POM121C: variants seen among roughly 807,000 people sequenced by gnomAD.
The protein encoded by POM121C is nuclear envelope pore membrane protein POM 121C.
A neutral mutation model predicts 66.4 loss-of-function variants in POM121C; 20 were observed. That is an observed-to-expected ratio of 0.30 (90% CI 0.21 to 0.44). The LOEUF (loss-of-function observed/expected upper bound fraction) is 0.44. Among genes scored for constraint, POM121C ranks in the 20% least tolerant of loss-of-function variants. The pLI is 1.00. For missense variants in POM121C, 580 were observed against 1,225.7 expected, an observed-to-expected ratio of 0.47 and a Z score of 7.87; for synonymous variants, 286 against 528.0, an observed-to-expected ratio of 0.54 and a Z score of 6.28.
At chr7:75,479,674 T>C (rs1792237835) in intron 1 of POM121C, among the ~76,000 whole-genome samples, 1 of 150,528 alleles carries the variant, frequency 6.6e-6, no homozygotes, top group Non-Finnish European at 1.5e-5. Flanking sequence ...AACAACAACG[T>C]AATAGATAGT....
At chr7:75,479,306 T>C (rs1282768207) in intron 1 of POM121C, among the ~76,000 whole-genome samples, 9 of 152,120 alleles carry the variant, frequency 5.9e-5, no homozygotes, top group Non-Finnish European at 1.3e-4. Context: ...TTTTCTCTCA[T>C]TACTTAAATC....
chr7:75,441,723 C>G, intron 3 of POM121C, 76 bp from the exon 4 acceptor site: 1 of 1,271,050 alleles, frequency 7.9e-7, no homozygotes, highest in South Asian at 1.4e-5. Context: ...AAAAACCCAC[C>G]AGTTAAGACA....
rs1373116060 is a variant in POM121C, at chr7:75,418,513, C to G, written c.*283G>C. On this transcript the variant is annotated 3_prime_UTR_variant, in exon 15 of 15. Transcript: ENST00000615331. ...GTGCGCTAAGCGGGAGTCAGGGCAGCGGACACTATGTACAGGTCCTTAGTT... is the reference window on the plus strand; with the variant it reads ...GTGCGCTAAGCGGGAGTCAGGGCAGGGGACACTATGTACAGGTCCTTAGTT... 1 of 1,183,432 alleles carries G rather than the reference C, an allele frequency of 8.4e-7. No homozygotes were observed. The highest frequency in any genetic ancestry group is 2.9e-5 in the South Asian group (1 of 35,006). The allele number at this position is 1,183,432 out of a possible 1,614,324, so 73.3% of individuals were successfully genotyped here.
intron 3 of POM121C, among the ~76,000 whole-genome samples, chr7:75,449,892 G>A (rs1260504304): frequency 6.6e-6 from 1 of 152,126 alleles, no homozygotes; most frequent in African/African-American, 2.4e-5. Context: ...GCAGGTGCCT[G>A]TAATCCCAGC....
intron 7 of POM121C, among the ~76,000 whole-genome samples, chr7:75,429,830 C>T (rs6979377): frequency 0.75 from 113,727 of 151,980 alleles, 43,233 homozygotes; most frequent in East Asian, 0.96. Context: ...CTAGGCAACA[C>T]AGTGAGACCT....
At chr7:75,471,376 T>C (rs1381288195) in intron 3 of POM121C, among the ~76,000 whole-genome samples, 3 of 151,904 alleles carry the variant, frequency 2.0e-5, no homozygotes, top group East Asian at 1.9e-4. Context: ...GCCTGGCTAA[T>C]TTTTCTATAT....
chr7:75,440,695 T>C (rs1309358563), intron 5 of POM121C: 1 of 554,524 alleles, frequency 1.8e-6, no homozygotes, highest in African/African-American at 1.9e-5. Flanking sequence ...TACAGAAGCA[T>C]GAGGCTAACA....
intron 7 of POM121C, among the ~76,000 whole-genome samples, chr7:75,428,083 C>G (rs1228023392): frequency 1.3e-5 from 2 of 151,972 alleles, no homozygotes; most frequent in African/African-American, 4.8e-5. Flanking sequence ...TTTTCAATCA[C>G]TTCAGATCCC....
chr7:75,437,644 A>T lies in POM121C; in HGVS notation c.351T>A (p.Asp117Glu), dbSNP rs1563143411. Residue 117 changes from aspartate to glutamate, a missense_variant, in exon 7 of 15, where the codon GAT (aspartate) becomes GAA (glutamate). By Grantham distance (45) the Asp-to-Glu change is conservative. Transcript: ENST00000615331. ...TTCGGGATCTCTTATTCAAGTGGTC[A>T]TCTGAGCTCTGAGAATTGAGGCCTC... ...LKRGLNSQSS[D>E]DHLNKRSRSS... 1 of 1,613,596 alleles carries T rather than the reference A, an allele frequency of 6.2e-7. No homozygotes were observed. Among genetic ancestry groups the T allele is most frequent in the East Asian group, 2.2e-5 (1 of 44,876 alleles).
rs782741678 is a variant in POM121C at position 75,421,559 on chromosome 7, G to A, written c.2693C>T (p.Pro898Leu). 1.7e-5 allele frequency: 28 copies of A among 1,612,364 alleles called. No homozygotes were observed. The highest frequency in any genetic ancestry group is 1.1e-4 in the East Asian group (5 of 44,872). Reference sequence around the variant, plus strand: ...TGTGCTGCCCACGTTGAAGGCAAACGGTGTGCTCTGGCCGGTGGTGCCCAG... The same window carrying A: ...TGTGCTGCCCACGTTGAAGGCAAACAGTGTGCTCTGGCCGGTGGTGCCCAG... ...NALGTTGQST[P>L]FAFNVGSTTE... is the part of the protein sequence containing the mutation. The change falls in exon 13 of 15, where the codon CCG becomes CTG. Residue 898 changes from proline (P) to leucine (L), a missense_variant. Pro to Leu is a moderately conservative substitution (Grantham distance 98). Transcript: ENST00000615331.
chr7:75,435,969 T>A (rs1554472983), intron 7 of POM121C, among the ~76,000 whole-genome samples: 3 of 151,824 alleles, frequency 2.0e-5, no homozygotes, highest in Middle Eastern at 3.4e-3. Context: ...GAGAATCGCT[T>A]GAATTCAGGA....
chr7:75,416,945 C>G lies in POM121C; in HGVS notation c.*1851G>C. 7.1e-6 allele frequency: 10 copies of G among 1,401,024 alleles called. No homozygotes were observed. Among genetic ancestry groups the G allele is most frequent in the Non-Finnish European group, 9.3e-6 (10 of 1,079,882 alleles). 86.8% of individuals were successfully genotyped at this position (1,401,024 alleles called of 1,614,324 possible). A position where few individuals can be genotyped will look rare whatever the true frequency, so the allele number is the denominator to read the frequency against. ...GTCCAGTGTGTGTACTGTACACATC[C>G]ACACTCACTCTCACTCAGGGTTCCC... On this transcript the variant is annotated 3_prime_UTR_variant, in exon 15 of 15. Coordinates refer to ENST00000615331, the MANE Select transcript of POM121C (RefSeq NM_001099415.3).
At chr7:75,473,711 C>A (rs141344472) in intron 3 of POM121C, among the ~76,000 whole-genome samples, 1 of 150,214 alleles carries the variant, frequency 6.7e-6, no homozygotes, top group African/African-American at 2.4e-5. Flanking sequence ...TTTTTTGAGA[C>A]GGAGTCTCGC....
rs1432395042 is a variant in POM121C at position 75,444,594 on chromosome 7, G to A, written c.-151-2947C>T. On this transcript the variant is annotated intron_variant, in intron 3 of 14. Coordinates refer to ENST00000615331, the MANE Select transcript of POM121C (RefSeq NM_001099415.3). ...AGAGGTCCATAGCCTGAGCCCTCGG[G>A]GCACTCCTGTGTTTAGAGGTAAAGA... Among the ~76,000 whole-genome samples, 8 of 121,394 alleles carry A rather than the reference G, an allele frequency of 6.6e-5. No individual in the cohort carries two copies. The South Asian group carries it at 1.6e-3, about 25-fold the overall frequency. The allele number at this position is 121,394 out of a possible 152,430, so 79.6% of individuals were successfully genotyped here.
At chr7:75,482,456 C>T (rs587769274) in intron 1 of POM121C, among the ~76,000 whole-genome samples, 2 of 152,184 alleles carry the variant, frequency 1.3e-5, no homozygotes, top group African/African-American at 4.8e-5. Context: ...CACTTTGGGA[C>T]ACCGAGGCGG....
rs190398301 is a variant in POM121C, at chr7:75,479,377, C to A, written c.-457-4189G>T. On this transcript the variant is annotated intron_variant, in intron 1 of 14. Transcript: ENST00000615331. ...ACACCTGTAATCCCAGCACTTTGGG[C>A]GGCTGAGGCAGATGGGTGACCTGAG... Among the ~76,000 whole-genome samples, 858 of 152,132 alleles carry A rather than the reference C, an allele frequency of 5.6e-3. 5 individuals carry two copies. The highest frequency in any genetic ancestry group is 0.018 in the African/African-American group (735 of 41,476).
chr7:75,423,584 G>A lies in POM121C; in HGVS notation c.1049-381C>T, dbSNP rs1284356118. ...GAAGTCTCTGCCCTTGAGCAGGGAG[G>A]GTGCGTACGAACCCCAGGTTACCGT... On this transcript the variant is annotated intron_variant, in intron 12 of 14. Transcript: ENST00000615331. 4.0e-5 allele frequency among the ~76,000 whole-genome samples: 6 copies of A among 151,192 alleles called. No homozygotes were observed. The East Asian group carries it at 1.2e-3, about 30-fold the overall frequency.
In POM121C at chr7:75,417,692, G is replaced by T. The variant is rs1313728008; in HGVS notation, c.*1104C>A. ...AGGTCAGTTAAGTGGGACAGAAACC[G>T]CAGAGGGAAGAGGTCTTTGCTTCCC... On this transcript the variant is annotated 3_prime_UTR_variant, in exon 15 of 15. Coordinates refer to ENST00000615331, the MANE Select transcript of POM121C (RefSeq NM_001099415.3). 2.0e-6 allele frequency: 2 copies of T among 985,640 alleles called. No individual in the cohort carries two copies. Among genetic ancestry groups the T allele is most frequent in the Non-Finnish European group, 2.4e-6 (2 of 829,906 alleles). 61.1% of individuals were successfully genotyped at this position (985,640 alleles called of 1,614,324 possible). A position where few individuals can be genotyped will look rare whatever the true frequency, so the allele number is the denominator to read the frequency against.
intron 3 of POM121C, among the ~76,000 whole-genome samples, chr7:75,462,760 T>A (rs1304625781): frequency 4.6e-5 from 7 of 151,740 alleles, no homozygotes; most frequent in African/African-American, 1.7e-4. Context: ...ATCAAATGCA[T>A]ACCCTGCTGA....
Sources: gnomAD v4.1 joint callset for allele counts (sites outside exome capture counted in the v4.1 genomes callset) on GRCh38, gnomAD v4.1.1 for gene constraint, MANE v1.5 for transcripts, NCBI Gene and HGNC (gene_info 2026-07-23, HGNC 2026-07-21) for gene names.